GRM7: variants seen among roughly 807,000 people sequenced by gnomAD.
GRM7 encodes metabotropic glutamate receptor 7.
GRM7 carries 35 observed loss-of-function variants against 84.5 expected under a neutral mutation model. That is an observed-to-expected ratio of 0.41 (90% CI 0.32 to 0.55). The LOEUF (loss-of-function observed/expected upper bound fraction) is 0.55, where lower values mean the gene tolerates loss of function less well. Ranked by LOEUF, GRM7 falls within the 20% of genes least tolerant of loss-of-function variation. The pLI is 0.19. For missense variants in GRM7, 1,003 were observed against 1,194.6 expected, an observed-to-expected ratio of 0.84 and a Z score of 2.36; for synonymous variants, 487 against 455.1, an observed-to-expected ratio of 1.07 and a Z score of -0.89.
At position 7,670,373 on chromosome 3, in the gene GRM7, G is replaced by A. The variant is rs1699868295; in HGVS notation, c.2452-9676G>A. On this transcript the variant is annotated intron_variant, in intron 8 of 9. Transcript: ENST00000357716. ...TTAACAAGAGGAAAGAGAAGGCTGGGATGAATCCGATCATCAAAACCTGTC... is the reference window on the plus strand; with the variant it reads ...TTAACAAGAGGAAAGAGAAGGCTGGAATGAATCCGATCATCAAAACCTGTC... 2.0e-5 allele frequency among the ~76,000 whole-genome samples: 3 copies of A among 152,146 alleles called. 1 individual carries two copies. Among genetic ancestry groups the A allele is most frequent in the Admixed American group, 2.0e-4 (3 of 15,272 alleles).
At chr3:7,348,313 C>T (rs1692981841) in intron 4 of GRM7, among the ~76,000 whole-genome samples, 2 of 152,050 alleles carry the variant, frequency 1.3e-5, no homozygotes, top group South Asian at 4.2e-4. Context: ...TTGGCATGCC[C>T]CAACAGCTCC....
intron 1 of GRM7, among the ~76,000 whole-genome samples, chr3:7,034,088 A>C (rs2124931151): frequency 6.6e-6 from 1 of 152,316 alleles, no homozygotes; most frequent in Non-Finnish European, 1.5e-5. Flanking sequence ...AGACATACAA[A>C]GTATATAGAA....
intron 8 of GRM7, among the ~76,000 whole-genome samples, chr3:7,655,275 C>T (rs1389255661): frequency 6.6e-6 from 1 of 152,194 alleles, no homozygotes; most frequent in East Asian, 1.9e-4. Flanking sequence ...GCAAAATCTT[C>T]AAAGCTAGAA....
At chr3:6,969,616 G>T (rs1167184534) in intron 1 of GRM7, among the ~76,000 whole-genome samples, 4 of 152,200 alleles carry the variant, frequency 2.6e-5, no homozygotes, top group Non-Finnish European at 5.9e-5. Flanking sequence ...AATAGTTAAT[G>T]AATGAATGGG....
chr3:7,025,579 T>C (rs1480039518), intron 1 of GRM7, among the ~76,000 whole-genome samples: 2 of 152,204 alleles, frequency 1.3e-5, no homozygotes, highest in African/African-American at 4.8e-5. Flanking sequence ...ATCAAATCCC[T>C]GAGTCATGCC....
chr3:7,308,467 A>T (rs1223358292), intron 4 of GRM7, among the ~76,000 whole-genome samples: 1 of 152,174 alleles, frequency 6.6e-6, no homozygotes, highest in Non-Finnish European at 1.5e-5. Context: ...GTAGGTGCTC[A>T]AACACATTCT....
intron 4 of GRM7, among the ~76,000 whole-genome samples, chr3:7,310,986 C>T (rs968726791): frequency 2.0e-5 from 3 of 152,158 alleles, no homozygotes; most frequent in Non-Finnish European, 4.4e-5. Flanking sequence ...CACATCTCAT[C>T]CCCTCAGGTG....
At chr3:7,329,644 C>T (rs1409446430) in intron 4 of GRM7, among the ~76,000 whole-genome samples, 1 of 152,040 alleles carries the variant, frequency 6.6e-6, no homozygotes, top group Non-Finnish European at 1.5e-5. Context: ...AAAATTTCAA[C>T]AGTCTTATAT....
At position 7,155,691 on chromosome 3, in the gene GRM7, C is replaced by T. The variant is rs75008147; in HGVS notation, c.736+9023C>T. Among the ~76,000 whole-genome samples, 179 of 152,142 alleles carry T rather than the reference C, an allele frequency of 1.2e-3. 1 individual carries two copies. Among genetic ancestry groups the T allele is most frequent in the East Asian group, 4.5e-3 (23 of 5,152 alleles). The stretch of plus-strand genomic sequence containing the variant: ...ATCTGTTTTCCTTTAATTTGGCAAA[C>T]GAATTCCTGCTGTTAAATCTCTCAA... On this transcript the variant is annotated intron_variant, in intron 2 of 9. Transcript: ENST00000357716.
chr3:7,548,031 G>A (rs1249698898), intron 7 of GRM7, among the ~76,000 whole-genome samples: 2 of 152,188 alleles, frequency 1.3e-5, no homozygotes, highest in African/African-American at 2.4e-5. Flanking sequence ...GGACAAGTTT[G>A]GATCTTGAAC....
chr3:6,869,581 G>GTCTATCTATCTATCTATCTA (rs140514964), intron 1 of GRM7, among the ~76,000 whole-genome samples: 8,744 of 150,720 alleles, frequency 0.058, 274 homozygotes, highest in Middle Eastern at 0.075. Flanking sequence ...CTATCTATCT[G>GTCTATCTATCTATCTATCTA]TCTATCTATC....
chr3:7,711,167 G>A (rs922104973), intron 9 of GRM7, among the ~76,000 whole-genome samples: 1 of 152,188 alleles, frequency 6.6e-6, no homozygotes, highest in Non-Finnish European at 1.5e-5. Context: ...TAAAGAATAT[G>A]TATGCAGAAA....
chr3:7,083,960 A>G (rs906546229), intron 1 of GRM7, among the ~76,000 whole-genome samples: 26 of 152,118 alleles, frequency 1.7e-4, no homozygotes, highest in African/African-American at 6.0e-4. Flanking sequence ...CCTTCAGTGT[A>G]GCTGGGGAAA....
chr3:6,913,211 A>G (rs1408054297), intron 1 of GRM7, among the ~76,000 whole-genome samples: 2 of 152,158 alleles, frequency 1.3e-5, no homozygotes, highest in African/African-American at 4.8e-5. Flanking sequence ...GGCTTCGTGT[A>G]TTTATTCTGG....
chr3:7,321,563 A>G (rs1033289207), intron 4 of GRM7, among the ~76,000 whole-genome samples: 4 of 150,440 alleles, frequency 2.7e-5, no homozygotes, highest in Admixed American at 6.6e-5. Flanking sequence ...ATCTTTTTCT[A>G]TTTTATTTCA....
intron 1 of GRM7, among the ~76,000 whole-genome samples, chr3:7,072,394 C>T (rs911124964): frequency 6.6e-6 from 1 of 152,090 alleles, no homozygotes; most frequent in Non-Finnish European, 1.5e-5. Context: ...CTAAAGTTCT[C>T]ACTTTGGCCA....
chr3:7,149,664 T>G (rs1327621596), intron 2 of GRM7, among the ~76,000 whole-genome samples: 2 of 152,186 alleles, frequency 1.3e-5, no homozygotes, highest in Non-Finnish European at 2.9e-5. Flanking sequence ...TGGATTTGAA[T>G]GATGGACTCC....
intron 3 of GRM7, among the ~76,000 whole-genome samples, chr3:7,302,931 ATT>A (rs761399796): frequency 6.6e-5 from 8 of 121,918 alleles, no homozygotes; most frequent in East Asian, 2.4e-4. Flanking sequence ...TGATTGTTCT[ATT>A]TTTTTTTTTT....
intron 1 of GRM7, among the ~76,000 whole-genome samples, chr3:7,068,281 A>G (rs1306668161): frequency 6.6e-6 from 1 of 152,034 alleles, no homozygotes; most frequent in East Asian, 1.9e-4. Flanking sequence ...TTTTAGTACA[A>G]TGCATACTTC....
Sources: gnomAD v4.1 joint callset for allele counts (sites outside exome capture counted in the v4.1 genomes callset) on GRCh38, gnomAD v4.1.1 for gene constraint, MANE v1.5 for transcripts, NCBI Gene and HGNC (gene_info 2026-07-23, HGNC 2026-07-21) for gene names.